UBE2K: variants seen among roughly 807,000 people sequenced by gnomAD.
UBE2K encodes the protein ubiquitin conjugating enzyme E2 K.
A neutral mutation model predicts 30.0 loss-of-function variants in UBE2K; 6 were observed. That is an observed-to-expected ratio of 0.20 (90% CI 0.11 to 0.39). UBE2K has a LOEUF of 0.39. UBE2K is among the 10% of genes least tolerant of loss of function. The pLI is 1.00. For synonymous variants in UBE2K, 86 were observed against 83.7 expected (o/e 1.03, Z -0.15); for missense variants, 61 against 241.6 (o/e 0.25, Z 4.96).
Position 39,779,565 on chromosome 4 carries a change from T to A in UBE2K, c.*1131T>A, listed in dbSNP as rs1466635729. ...TAAATCTAGCTTTCTTTATGATGTT[T>A]CTGATAATACGAGAATTGAAAACTT... On this transcript the variant is annotated 3_prime_UTR_variant, in exon 7 of 7. Coordinates refer to ENST00000261427, the MANE Select transcript of UBE2K (RefSeq NM_005339.5). 6.5e-6 allele frequency: 1 copy of A among 152,674 alleles called. No individual in the cohort carries two copies. The highest frequency in any genetic ancestry group is 2.4e-5 in the African/African-American group (1 of 41,462). 9.5% of individuals were successfully genotyped at this position (152,674 alleles called of 1,614,324 possible).
chr4:39,732,540 T>G (rs561738264), intron 1 of UBE2K, among the ~76,000 whole-genome samples: 1 of 149,532 alleles, frequency 6.7e-6, no homozygotes, highest in Admixed American at 6.6e-5. Flanking sequence ...TCTTCACTGT[T>G]GGTTGTTGAC....
At chr4:39,753,184 TTCA>T (rs1721359885) in intron 3 of UBE2K, among the ~76,000 whole-genome samples, 1 of 151,926 alleles carries the variant, frequency 6.6e-6, no homozygotes, top group Non-Finnish European at 1.5e-5. Flanking sequence ...AGCCCAGGAG[TTCA>T]AGACCAGCCT....
chr4:39,774,410 A>C (rs950961219), intron 4 of UBE2K, among the ~76,000 whole-genome samples: 1 of 151,994 alleles, frequency 6.6e-6, no homozygotes, highest in Non-Finnish European at 1.5e-5. Context: ...GATCGAGACC[A>C]TCCTGGCTAA....
At chr4:39,760,176 CAAAAAA>C (rs71194913) in intron 4 of UBE2K, among the ~76,000 whole-genome samples, 1 of 77,184 alleles carries the variant, frequency 1.3e-5, no homozygotes. Flanking sequence ...GACTCTGTCA[CAAAAAA>C]AAAAAAAAAA....
At chr4:39,721,235 T>G (rs534220014) in intron 1 of UBE2K, among the ~76,000 whole-genome samples, 1 of 152,188 alleles carries the variant, frequency 6.6e-6, no homozygotes, top group Admixed American at 6.6e-5. Flanking sequence ...GAAAGTTGAT[T>G]AGACAACTAG....
intron 1 of UBE2K, among the ~76,000 whole-genome samples, chr4:39,708,621 A>C (rs1380985236): frequency 6.6e-6 from 1 of 152,084 alleles, no homozygotes; most frequent in Non-Finnish European, 1.5e-5. Context: ...ATGCTTTTCA[A>C]AATCTTTCTT....
rs534416534 is a variant in UBE2K at position 39,737,546 on chromosome 4, C to T, written c.157+33C>T. The T allele has an allele frequency of 3.0e-5, 39 of 1,299,298 alleles. No individual in the cohort carries two copies. The South Asian group carries it at 4.5e-4, about 15-fold the overall frequency. 80.5% of individuals were successfully genotyped at this position (1,299,298 alleles called of 1,614,324 possible). On this transcript the variant is annotated intron_variant, in intron 2 of 6. Transcript: ENST00000261427. ...CTTTTTTCTGTATCAAAATATTGTG[C>T]GTATTAGAACTTGTCTGAAACATTT... is the stretch of plus-strand genomic sequence containing the variant.
intron 1 of UBE2K, among the ~76,000 whole-genome samples, chr4:39,720,232 A>G (rs977675167): frequency 6.6e-6 from 1 of 152,190 alleles, no homozygotes; most frequent in Non-Finnish European, 1.5e-5. Flanking sequence ...TTTCTGTTGC[A>G]TGTAAGTGTT....
At chr4:39,765,957 A>G (rs1230369029) in intron 4 of UBE2K, among the ~76,000 whole-genome samples, 3 of 152,306 alleles carry the variant, frequency 2.0e-5, no homozygotes, top group African/African-American at 7.2e-5. Flanking sequence ...ACACATACAC[A>G]TACACATACA....
chr4:39,778,286 A>C (rs1713398289), intron 6 of UBE2K, 74 bp from the exon 7 acceptor site: 3 of 950,632 alleles, frequency 3.2e-6, no homozygotes, highest in Non-Finnish European at 4.9e-6. Context: ...TTCCCAGTAT[A>C]AAGAGTGAAT....
At chr4:39,718,080 C>T (rs1483568271) in intron 1 of UBE2K, among the ~76,000 whole-genome samples, 1 of 152,148 alleles carries the variant, frequency 6.6e-6, no homozygotes, top group African/African-American at 2.4e-5. Flanking sequence ...GAGTGGGTTG[C>T]CACTGCTGGC....
intron 1 of UBE2K, among the ~76,000 whole-genome samples, chr4:39,700,014 T>C (rs796419366): frequency 1.3e-5 from 2 of 152,276 alleles, no homozygotes; most frequent in African/African-American, 4.8e-5. Context: ...ATACTCCTAA[T>C]GAAAGCAGTT....
At chr4:39,699,744 C>T (rs965787288) in intron 1 of UBE2K, among the ~76,000 whole-genome samples, 1 of 151,924 alleles carries the variant, frequency 6.6e-6, no homozygotes, top group Non-Finnish European at 1.5e-5. Flanking sequence ...GATGAGTATA[C>T]ATGGAGAAAA....
At chr4:39,771,051 G>T in intron 4 of UBE2K, 1 of 1,612,376 alleles carries the variant, frequency 6.2e-7, no homozygotes, top group Non-Finnish European at 8.5e-7. Context: ...GGCCTATTTT[G>T]GGCTCAGTGA....
chr4:39,721,491 C>G (rs908569370), intron 1 of UBE2K, among the ~76,000 whole-genome samples: 1 of 152,006 alleles, frequency 6.6e-6, no homozygotes, highest in Non-Finnish European at 1.5e-5. Flanking sequence ...GTAGCTGGGA[C>G]TACAGGCACG....
intron 4 of UBE2K, chr4:39,771,477 GT>G (rs201642517): frequency 5.5e-5 from 81 of 1,486,164 alleles, no homozygotes; most frequent in Admixed American, 6.7e-5. Flanking sequence ...TCCGCGCGCT[GT>G]TTTTTTTTAA....
chr4:39,711,352 C>T (rs144188192), intron 1 of UBE2K, among the ~76,000 whole-genome samples: 6 of 151,450 alleles, frequency 4.0e-5, no homozygotes, highest in African/African-American at 1.4e-4. Flanking sequence ...TTGGTAGAGA[C>T]AGGGTTTCAC....
At chr4:39,737,948 A>T (rs1476816233) in intron 2 of UBE2K, among the ~76,000 whole-genome samples, 1 of 152,152 alleles carries the variant, frequency 6.6e-6, no homozygotes, top group Non-Finnish European at 1.5e-5. Context: ...GTCTTCATAC[A>T]GGCTGTAGTC....
At position 39,744,443 on chromosome 4, in the gene UBE2K, A is replaced by T. The variant is rs528169415; in HGVS notation, c.158-1309A>T. ...TGCCTCAGCCTCCCAAAGTGCTGGTATTACAGGCATGAGCCACCGCGCCGA... is the reference window on the plus strand; with the variant it reads ...TGCCTCAGCCTCCCAAAGTGCTGGTTTTACAGGCATGAGCCACCGCGCCGA... On this transcript the variant is annotated intron_variant, in intron 2 of 6. Coordinates refer to ENST00000261427, the MANE Select transcript of UBE2K (RefSeq NM_005339.5). 2.4e-4 allele frequency among the ~76,000 whole-genome samples: 36 copies of T among 151,596 alleles called. No individual in the cohort carries two copies. The East Asian group carries it at 6.1e-3, about 26-fold the overall frequency.
Sources: gnomAD v4.1 joint callset for allele counts (sites outside exome capture counted in the v4.1 genomes callset) on GRCh38, gnomAD v4.1.1 for gene constraint, MANE v1.5 for transcripts, NCBI Gene and HGNC (gene_info 2026-07-23, HGNC 2026-07-21) for gene names.